The following FOXA1 variants were observed in gnomAD, a reference collection of about 807,000 sequenced individuals.
The protein encoded by FOXA1 is hepatocyte nuclear factor 3-alpha.
FOXA1 carries 9 observed loss-of-function variants against 29.2 expected under a neutral mutation model. That is an observed-to-expected ratio of 0.31 (90% confidence interval 0.19 to 0.54). The LOEUF (loss-of-function observed/expected upper bound fraction) is 0.54. FOXA1 is among the 20% of genes least tolerant of loss of function. The probability of loss-of-function intolerance (pLI) is 0.95; values close to 1 mark genes in which losing one functional copy is unlikely to be tolerated. For synonymous variants in FOXA1, 340 were observed against 300.9 expected (o/e 1.13, Z -1.34); for missense variants, 644 against 681.2 (o/e 0.95, Z 0.61).
rs2095596622 is a variant in FOXA1, at chr14:37,592,309, C to A, written c.475G>T (p.Ala159Ser). Residue 159 changes from alanine (A) to serine (S), a missense_variant, in exon 2 of 2, where the codon GCC becomes TCC. This residue lies in a region of FOXA1 where 309 missense variants were observed against 307.0 expected (regional missense o/e 1.01). Coordinates refer to ENST00000250448, the MANE Select transcript of FOXA1 (RefSeq NM_004496.5). ...GGGTAGCTGCGCTTGAACGTCTTGG[C>A]GTCGCCGCCGCCGCCCGCGCGGCTG... ...GRSRAGGGGD[A>S]KTFKRSYPHA... The A allele has an allele frequency of 6.2e-7, 1 of 1,601,468 alleles. No homozygotes were observed. Among genetic ancestry groups the A allele is most frequent in the Admixed American group, 1.7e-5 (1 of 57,796 alleles).
rs1429625502 is a variant in FOXA1, at chr14:37,591,975, T to G, written c.809A>C (p.Lys270Thr). 6.4e-7 allele frequency: 1 copy of G among 1,572,678 alleles called. No homozygotes were observed. Among genetic ancestry groups the G allele is most frequent in the Non-Finnish European group, 8.6e-7 (1 of 1,162,492 alleles). The change falls in exon 2 of 2, where the codon AAG becomes ACG. Residue 270 changes from lysine to threonine, a missense_variant. Physicochemically the swap from Lys to Thr is moderately conservative, Grantham distance 78. Transcript: ENST00000250448. Reference sequence around the variant, plus strand: ...GCCCCCGCCGCCGGCCCCCGGCTGCTTCTCGCACTTGAAGCGCTTCTGGCG... The same window carrying G: ...GCCCCCGCCGCCGGCCCCCGGCTGCGTCTCGCACTTGAAGCGCTTCTGGCG... ...LRRQKRFKCE[K>T]QPGAGGGGGS...
In FOXA1 at chr14:37,591,910, C is replaced by T. The variant is rs1016447126; in HGVS notation, c.874G>A (p.Glu292Lys). The T allele has an allele frequency of 2.0e-6, 3 of 1,473,412 alleles. No homozygotes were observed. The highest frequency in any genetic ancestry group is 2.7e-6 in the Non-Finnish European group (3 of 1,117,464). The allele number at this position is 1,473,412 out of a possible 1,614,324, so 91.3% of individuals were successfully genotyped here. Residue 292 changes from glutamate (E) to lysine (K), a missense_variant, in exon 2 of 2, where the codon GAG becomes AAG. This residue lies in a region of FOXA1 where 295 missense variants were observed against 294.4 expected (regional missense o/e 1.00). Transcript: ENST00000250448. Reference protein sequence around the residue: ...SGGSGAKGGPESRKDPSGASN... With the variant: ...SGGSGAKGGPKSRKDPSGASN... The stretch of plus-strand genomic sequence containing the variant: ...GCGCCAGAGGGGTCCTTGCGGCTCT[C>T]AGGGCCGCCCTTGGCGCCGCTGCCC...
In FOXA1 at chr14:37,591,843, T is replaced by G. The variant is rs1275313148; in HGVS notation, c.941A>C (p.His314Pro). 3 of 1,454,188 alleles carry G rather than the reference T, an allele frequency of 2.1e-6. No homozygotes were observed. Among genetic ancestry groups the G allele is most frequent in the Non-Finnish European group, 2.7e-6 (3 of 1,108,822 alleles). The allele number at this position is 1,454,188 out of a possible 1,614,324, so 90.1% of individuals were successfully genotyped here. Residue 314 changes from histidine (H) to proline (P), a missense_variant, in exon 2 of 2, where the codon CAC (histidine) becomes CCC (proline). Coordinates refer to ENST00000250448, the MANE Select transcript of FOXA1 (RefSeq NM_004496.5). ...SADSPLHRGV[H>P]GKTGQLEGAP... is the part of the protein sequence containing the mutation. Reference sequence around the variant, plus strand: ...GCCCTCTAGCTGGCCGGTCTTCCCGTGCACACCCCGATGGAGGGGCGAGTC... The same window carrying G: ...GCCCTCTAGCTGGCCGGTCTTCCCGGGCACACCCCGATGGAGGGGCGAGTC...
chr14:37,594,282 C>T (rs1280973711), intron 1 of FOXA1: 3 of 1,215,022 alleles, frequency 2.5e-6, no homozygotes, highest in Non-Finnish European at 3.1e-6. Flanking sequence ...GAACGTGCCA[C>T]CAAGGGGACA....
rs2139184183 is a variant in FOXA1, at chr14:37,592,658, G to A, written c.126C>T (p.Asn42=). 2.5e-6 allele frequency: 4 copies of A among 1,614,192 alleles called. No individual in the cohort carries two copies. The highest frequency in any genetic ancestry group is 2.2e-5 in the South Asian group (2 of 91,086). ...SNMNSGLGSM[N]SMNTYMTMNT... Reference sequence around the variant, plus strand: ...TCATGGTCATGTAGGTGTTCATGGAGTTCATGGAGCCCAGGCCTGAGTTCA... The same window carrying A: ...TCATGGTCATGTAGGTGTTCATGGAATTCATGGAGCCCAGGCCTGAGTTCA... The change falls in exon 2 of 2, where the codon AAC becomes AAT. Residue 42 remains asparagine, a synonymous_variant. Coordinates refer to ENST00000250448, the MANE Select transcript of FOXA1 (RefSeq NM_004496.5).
rs2139179898 is a variant in FOXA1 at position 37,591,510 on chromosome 14, T to C, written c.1274A>G (p.Gln425Arg). The change falls in exon 2 of 2, where the codon CAA becomes CGA. Residue 425 changes from glutamine to arginine, a missense_variant. Gln to Arg is a conservative substitution (Grantham distance 43, BLOSUM62 1). This residue lies in a region of FOXA1 where 295 missense variants were observed against 294.4 expected (regional missense o/e 1.00). Coordinates refer to ENST00000250448, the MANE Select transcript of FOXA1 (RefSeq NM_004496.5). ...CAACGTAGAGCCGTAAGGCGAGTAT[T>C]GCAGTGCCTGTTCGTATGCCTTGAA... The part of the protein sequence containing the change: ...LDFKAYEQAL[Q>R]YSPYGSTLPA... 6.2e-7 allele frequency: 1 copy of C among 1,614,234 alleles called. No individual in the cohort carries two copies. Among genetic ancestry groups the C allele is most frequent in the East Asian group, 2.2e-5 (1 of 44,866 alleles).
chr14:37,590,566 G>T lies in FOXA1; in HGVS notation c.*799C>A, dbSNP rs2095594583. 1 of 227,072 alleles carries T rather than the reference G, an allele frequency of 4.4e-6. No homozygotes were observed. Among genetic ancestry groups the T allele is most frequent in the Non-Finnish European group, 8.7e-6 (1 of 114,318 alleles). 14.1% of individuals were successfully genotyped at this position (227,072 alleles called of 1,614,324 possible). ...AATTGATTCCCAGGGCCATCTGTGG[G>T]TAGAGAGGACAAAGGGGTTGGGGTC... On this transcript the variant is annotated 3_prime_UTR_variant, in exon 2 of 2. Coordinates refer to ENST00000250448, the MANE Select transcript of FOXA1 (RefSeq NM_004496.5).
chr14:37,593,004 G>C (rs1465414329), intron 1 of FOXA1, among the ~76,000 whole-genome samples: 1 of 152,160 alleles, frequency 6.6e-6, no homozygotes, highest in Non-Finnish European at 1.5e-5. Context: ...CTGGCTTCCA[G>C]GGCCCCCTCA....
In FOXA1 at chr14:37,591,752, C is replaced by T. The variant is rs2139180662; in HGVS notation, c.1032G>A (p.Gly344=). The T allele has an allele frequency of 6.5e-7, 1 of 1,544,840 alleles. No homozygotes were observed. Among genetic ancestry groups the T allele is most frequent in the South Asian group, 1.2e-5 (1 of 82,538 alleles). The change falls in exon 2 of 2, where the codon GGG becomes GGA. Residue 344 remains glycine, a synonymous_variant. Transcript: ENST00000250448. The part of the protein sequence containing the change: ...TLDHSGATAT[G]GASELKTPAS... ...CTGGAGTCTTCAACTCCGAGGCGCC[C>T]CCTGTCGCCGTCGCCCCACTGTGGT...
intron 1 of FOXA1, among the ~76,000 whole-genome samples, chr14:37,593,332 G>A (rs1392569966): frequency 1.3e-5 from 2 of 152,240 alleles, no homozygotes; most frequent in East Asian, 1.9e-4. Context: ...AAAGGGCTGG[G>A]AGGGGGTGCT....
rs2139179663 is a variant in FOXA1 at position 37,591,420 on chromosome 14, A to T, written c.1364T>A (p.Leu455Gln). The change falls in exon 2 of 2, where the codon CTG (leucine) becomes CAG (glutamine). Residue 455 changes from leucine to glutamine, a missense_variant. This residue lies in a region of FOXA1 where 295 missense variants were observed against 294.4 expected (regional missense o/e 1.00). Coordinates refer to ENST00000250448, the MANE Select transcript of FOXA1 (RefSeq NM_004496.5). ...CACACCTTGGTAGTACGCCGGCTCC[A>T]GGGCTGAGGGCTCGATGGGGCTCCT... ...TTRSPIEPSALEPAYYQGVYS... is the reference protein window; with the variant it reads ...TTRSPIEPSAQEPAYYQGVYS... 6.2e-7 allele frequency: 1 copy of T among 1,614,060 alleles called. No individual in the cohort carries two copies.
rs1594976504 is a variant in FOXA1, at chr14:37,591,711, G to A, written c.1073C>T (p.Pro358Leu). The change falls in exon 2 of 2, where the codon CCC (proline) becomes CTC (leucine). Residue 358 changes from proline to leucine, a missense_variant. Transcript: ENST00000250448. ...ELKTPASSTA[P>L]PISSGPGALA... ...CGCCCCGGGCCCGGAGCTTATGGGG[G>A]GCGCAGTTGAGGAGGCTGGAGTCTT... is the stretch of plus-strand genomic sequence containing the variant. The A allele has an allele frequency of 6.3e-7, 1 of 1,581,534 alleles. No homozygotes were observed. Among genetic ancestry groups the A allele is most frequent in the Admixed American group, 1.8e-5 (1 of 55,388 alleles).
chr14:37,592,083 G>A lies in FOXA1; in HGVS notation c.701C>T (p.Ser234Phe), dbSNP rs2139182042. The change falls in exon 2 of 2, where the codon TCC becomes TTC. Residue 234 changes from serine (S) to phenylalanine (F), a missense_variant. By Grantham distance (155) the Ser-to-Phe change is radical. Coordinates refer to ENST00000250448, the MANE Select transcript of FOXA1 (RefSeq NM_004496.5). ...GGAGCCCTTGCCCGGCTTGTCCGGG[G>A]AGCGTGCCACCTTGACGAAGCAGTC... ...FNDCFVKVAR[S>F]PDKPGKGSYW... 1.9e-6 allele frequency: 3 copies of A among 1,611,602 alleles called. No homozygotes were observed. Among genetic ancestry groups the A allele is most frequent in the Non-Finnish European group, 2.5e-6 (3 of 1,178,706 alleles).
At chr14:37,594,172 G>T (rs1772098270) in intron 1 of FOXA1, 1 of 1,288,278 alleles carries the variant, frequency 7.8e-7, no homozygotes, top group African/African-American at 1.5e-5. Context: ...GAGGGTAATC[G>T]CCAGCTGTTT....
chr14:37,592,901 A>G (rs1420509640), intron 1 of FOXA1, among the ~76,000 whole-genome samples, 190 bp from the exon 2 acceptor site: 2 of 152,214 alleles, frequency 1.3e-5, no homozygotes, highest in Non-Finnish European at 2.9e-5. Flanking sequence ...CGGCAGGGGG[A>G]AAATCCTAGC....
Position 37,592,641 on chromosome 14 carries a change from A to G in FOXA1, c.143T>C (p.Met48Thr). The G allele has an allele frequency of 6.2e-7, 1 of 1,614,194 alleles. No individual in the cohort carries two copies. Among genetic ancestry groups the G allele is most frequent in the Non-Finnish European group, 8.5e-7 (1 of 1,180,032 alleles). ...GCTCGTAGTCATGGTGTTCATGGTC[A>G]TGTAGGTGTTCATGGAGTTCATGGA... ...LGSMNSMNTY[M>T]TMNTMTTSGN... Residue 48 changes from methionine to threonine, a missense_variant, in exon 2 of 2, where the codon ATG becomes ACG. Coordinates refer to ENST00000250448, the MANE Select transcript of FOXA1 (RefSeq NM_004496.5).
Position 37,591,492 on chromosome 14 carries a change from G to A in FOXA1, c.1292C>T (p.Ser431Phe), listed in dbSNP as rs1204808446. The change falls in exon 2 of 2, where the codon TCT becomes TTT. Residue 431 changes from serine (S) to phenylalanine (F), a missense_variant. Around this residue, in one of 5 missense-constraint regions of FOXA1, gnomAD observed 295 missense variants for 294.4 expected, o/e 1.00. Transcript: ENST00000250448. ...TAGAGGCAGGCTGGCGGGCAACGTAGAGCCGTAAGGCGAGTATTGCAGTGC... is the reference window on the plus strand; with the variant it reads ...TAGAGGCAGGCTGGCGGGCAACGTAAAGCCGTAAGGCGAGTATTGCAGTGC... ...EQALQYSPYG[S>F]TLPASLPLGS... is the part of the protein sequence containing the mutation. 6.2e-7 allele frequency: 1 copy of A among 1,614,232 alleles called. No homozygotes were observed. The highest frequency in any genetic ancestry group is 1.1e-5 in the South Asian group (1 of 91,090).
At chr14:37,593,826 A>C (rs1161378814) in intron 1 of FOXA1, 13 of 186,230 alleles carry the variant, frequency 7.0e-5, no homozygotes, top group Non-Finnish European at 1.4e-4. Flanking sequence ...AAACCTAGGC[A>C]TATTAAAAAG....
At chr14:37,594,794 C>A in intron 1 of FOXA1, 107 bp downstream of exon 1, 2 of 837,148 alleles carry the variant, frequency 2.4e-6, no homozygotes, top group South Asian at 3.7e-5. Flanking sequence ...CGAGAAGGCG[C>A]CCCCGGCCCG....
Sources: gnomAD v4.1 joint callset for allele counts (sites outside exome capture counted in the v4.1 genomes callset) on GRCh38, gnomAD v4.1.1 for gene constraint, gnomAD v4.1.1 regional missense constraint, MANE v1.5 for transcripts, NCBI Gene and HGNC (gene_info 2026-07-23, HGNC 2026-07-21) for gene names.